Variants in CSNK1G1 observed in about 807,000 individuals in gnomAD.
CSNK1G1 encodes casein kinase I isoform gamma-1.
A neutral mutation model predicts 59.6 loss-of-function variants in CSNK1G1; 22 were observed. The observed-to-expected ratio is 0.37, with a 90% confidence interval of 0.26 to 0.53. The LOEUF is 0.53. Among genes scored for constraint, CSNK1G1 ranks in the 20% least tolerant of loss-of-function variants. The pLI is 0.89. For synonymous variants in CSNK1G1, 179 were observed against 177.1 expected (o/e 1.01, Z -0.08); for missense variants, 384 against 519.5 (o/e 0.74, Z 2.54).
chr15:64,277,038 T>C (rs1893665849), intron 2 of CSNK1G1, among the ~76,000 whole-genome samples: 1 of 151,942 alleles, frequency 6.6e-6, no homozygotes, highest in East Asian at 1.9e-4. Flanking sequence ...CCGGAAGAAC[T>C]AGAACCATGC....
chr15:64,195,361 C>T, intron 10 of CSNK1G1, among the ~76,000 whole-genome samples: 1 of 152,164 alleles, frequency 6.6e-6, no homozygotes, highest in East Asian at 1.9e-4. Context: ...ACAAAACCCA[C>T]CATAATAAAA....
intron 10 of CSNK1G1, among the ~76,000 whole-genome samples, chr15:64,201,805 G>T (rs1819979691): frequency 6.7e-6 from 1 of 150,074 alleles, no homozygotes; most frequent in Non-Finnish European, 1.5e-5. Flanking sequence ...TGAAATAAAT[G>T]TTTTTGTATT....
chr15:64,347,696 G>T (rs1480001579), intron 1 of CSNK1G1, among the ~76,000 whole-genome samples: 1 of 151,648 alleles, frequency 6.6e-6, no homozygotes, highest in African/African-American at 2.4e-5. Flanking sequence ...AAAAAGAAAT[G>T]AGCTATGAAG....
At chr15:64,308,248 C>G (rs1596255277) in intron 1 of CSNK1G1, among the ~76,000 whole-genome samples, 1 of 151,910 alleles carries the variant, frequency 6.6e-6, no homozygotes, top group East Asian at 1.9e-4. Context: ...TCTGTTCTAC[C>G]TGTTGTACAT....
rs539757836 is a variant in CSNK1G1 at position 64,193,578 on chromosome 15, A to G, written c.1107+9504T>C. Among the ~76,000 whole-genome samples, 10 of 152,220 alleles carry G rather than the reference A, an allele frequency of 6.6e-5. No individual in the cohort carries two copies. The East Asian group carries it at 1.7e-3, about 26-fold the overall frequency. Reference sequence around the variant, plus strand: ...CATAACCAGTTTTCCCATGCCAGACAGGGGTTATGCCATGTAATCTGTCAT... The same window carrying G: ...CATAACCAGTTTTCCCATGCCAGACGGGGGTTATGCCATGTAATCTGTCAT... On this transcript the variant is annotated intron_variant, in intron 10 of 11. Coordinates refer to ENST00000303052, the MANE Select transcript of CSNK1G1 (RefSeq NM_022048.5).
In CSNK1G1 at chr15:64,312,716, C is replaced by T. The variant is rs572751694; in HGVS notation, c.-224-11993G>A. Among the ~76,000 whole-genome samples the T allele has an allele frequency of 4.6e-5, 7 of 152,260 alleles. No homozygotes were observed. The South Asian group carries it at 8.3e-4, about 18-fold the overall frequency. ...ATGGGCAAAGACTTCATGTCTAAAA[C>T]GCCAAAAGCAATGGCAACAAAAGCC... On this transcript the variant is annotated intron_variant, in intron 1 of 11. Coordinates refer to ENST00000303052, the MANE Select transcript of CSNK1G1 (RefSeq NM_022048.5).
In CSNK1G1 at chr15:64,176,969, C is replaced by A. The variant is rs1289971405; in HGVS notation, c.1214+3379G>T. ...ACATTTGTTAAATTATAGCTAAAGT[C>A]TGGATAACCAAAAATTCCTGTATTC... On this transcript the variant is annotated intron_variant, in intron 11 of 11. Coordinates refer to ENST00000303052, the MANE Select transcript of CSNK1G1 (RefSeq NM_022048.5). This position sits in a 1 kb window ranked among gnomAD's most constrained non-coding sequence, Gnocchi z 5.2. Among the ~76,000 whole-genome samples, 2 of 152,278 alleles carry A rather than the reference C, an allele frequency of 1.3e-5. No homozygotes were observed. Among genetic ancestry groups the A allele is most frequent in the Admixed American group, 6.5e-5 (1 of 15,300 alleles).
intron 4 of CSNK1G1, among the ~76,000 whole-genome samples, chr15:64,229,685 C>T (rs1281747657): frequency 6.6e-6 from 1 of 151,934 alleles, no homozygotes; most frequent in Non-Finnish European, 1.5e-5. Flanking sequence ...GTATCACATA[C>T]CTATGGACCA....
At chr15:64,256,620 G>T (rs978485728) in intron 3 of CSNK1G1, among the ~76,000 whole-genome samples, 2 of 151,738 alleles carry the variant, frequency 1.3e-5, no homozygotes, top group Non-Finnish European at 2.9e-5. Context: ...CAGCACAGGA[G>T]ATTTTTTTTT....
At chr15:64,326,842 C>A (rs1353907593) in intron 1 of CSNK1G1, among the ~76,000 whole-genome samples, 2 of 151,020 alleles carry the variant, frequency 1.3e-5, no homozygotes, top group African/African-American at 2.4e-5. Context: ...CGAAGCAGGG[C>A]GAGGCATTGC....
intron 4 of CSNK1G1, among the ~76,000 whole-genome samples, chr15:64,232,856 A>T (rs1250919555): frequency 6.6e-6 from 1 of 152,206 alleles, no homozygotes; most frequent in Non-Finnish European, 1.5e-5. Flanking sequence ...AAGACCAAAA[A>T]AAGGTCAAAA....
chr15:64,201,706 A>ATGTGTGTGTGTGTGTG (rs10664838), intron 10 of CSNK1G1, among the ~76,000 whole-genome samples: 25 of 126,544 alleles, frequency 2.0e-4, no homozygotes, highest in Non-Finnish European at 3.4e-4. Context: ...TCCATTGGAC[A>ATGTGTGTGTGTGTGTG]TGTGTGTGTG....
chr15:64,249,054 G>A (rs924172894), intron 4 of CSNK1G1, among the ~76,000 whole-genome samples: 8 of 152,152 alleles, frequency 5.3e-5, no homozygotes, highest in African/African-American at 1.2e-4. Context: ...CCCGGGAAGC[G>A]GAAGTTGCAG....
chr15:64,250,242 T>C (rs1022406373), intron 4 of CSNK1G1, among the ~76,000 whole-genome samples: 7 of 152,106 alleles, frequency 4.6e-5, no homozygotes, highest in African/African-American at 1.7e-4. Flanking sequence ...AATTAACAAA[T>C]ATATACTGAG....
At chr15:64,355,797 C>T (rs1898631154) in intron 1 of CSNK1G1, among the ~76,000 whole-genome samples, 191 bp downstream of exon 1, 1 of 152,172 alleles carries the variant, frequency 6.6e-6, no homozygotes, top group African/African-American at 2.4e-5. Context: ...AACTCTCCAC[C>T]CGCTGTGTCC....
chr15:64,315,777 T>C (rs1566944713), intron 1 of CSNK1G1: 1 of 152,216 alleles, frequency 6.6e-6, no homozygotes, highest in African/African-American at 2.4e-5. Context: ...TTAAAAAATC[T>C]GTGCAGTGAT....
intron 4 of CSNK1G1, among the ~76,000 whole-genome samples, chr15:64,230,755 T>A (rs2082536489): frequency 6.6e-6 from 1 of 152,170 alleles, no homozygotes; most frequent in East Asian, 1.9e-4. Flanking sequence ...GGTGGATCAC[T>A]AGGTCAGAAG....
At chr15:64,233,439 C>A (rs901398962) in intron 4 of CSNK1G1, among the ~76,000 whole-genome samples, 1 of 152,028 alleles carries the variant, frequency 6.6e-6, no homozygotes, top group African/African-American at 2.4e-5. Flanking sequence ...GGCAATTACT[C>A]TATGTGGCTC....
chr15:64,276,013 G>A (rs1893592797), intron 2 of CSNK1G1, among the ~76,000 whole-genome samples: 1 of 152,166 alleles, frequency 6.6e-6, no homozygotes, highest in Non-Finnish European at 1.5e-5. Flanking sequence ...TATTACACAT[G>A]ATATTCTGAT....
Sources: gnomAD v4.1 joint callset for allele counts (sites outside exome capture counted in the v4.1 genomes callset) on GRCh38, gnomAD v4.1.1 for gene constraint, Gnocchi (gnomAD v3.1) non-coding constraint, MANE v1.5 for transcripts, NCBI Gene and HGNC (gene_info 2026-07-23, HGNC 2026-07-21) for gene names.